NYAP2: variants seen among roughly 807,000 people sequenced by gnomAD.
NYAP2 encodes the protein neuronal tyrosine-phosphorylated phosphoinositide-3-kinase adapter 2.
Under a neutral mutation model 50.4 loss-of-function variants are expected in NYAP2, and 23 were observed. The ratio of observed to expected loss-of-function variants is 0.46; its 90% CI spans 0.33 to 0.65. The LOEUF is 0.65. NYAP2 is among the 30% of genes least tolerant of loss of function. The pLI, the probability that NYAP2 is intolerant of heterozygous loss-of-function variation, is 0.02. For missense variants in NYAP2, 885 were observed against 861.0 expected (o/e 1.03, Z -0.35); for synonymous variants, 394 against 365.2 (o/e 1.08, Z -0.90).
intron 4 of NYAP2, among the ~76,000 whole-genome samples, chr2:225,574,579 G>A (rs994209432): frequency 9.9e-5 from 15 of 152,138 alleles, no homozygotes; most frequent in African/African-American, 3.4e-4. Flanking sequence ...GGCCCAAAGT[G>A]TTTTTTCATT....
At chr2:225,496,142 G>A (rs1026379789) in intron 3 of NYAP2, among the ~76,000 whole-genome samples, 1 of 152,180 alleles carries the variant, frequency 6.6e-6, no homozygotes, top group African/African-American at 2.4e-5. Flanking sequence ...AGTTCCAAAA[G>A]GGGGTCAAAG....
chr2:225,666,837 C>A, the NYAP2 span, among the ~76,000 whole-genome samples: 9 of 143,958 alleles, frequency 6.3e-5, no homozygotes, highest in Admixed American at 4.1e-4. Context: ...TACATATTCC[C>A]CCCCCTCCAT....
At chr2:225,613,741 G>T (rs1194978167) in intron 5 of NYAP2, among the ~76,000 whole-genome samples, 11 of 152,072 alleles carry the variant, frequency 7.2e-5, no homozygotes, top group Middle Eastern at 6.8e-3. Flanking sequence ...TTAATAATAG[G>T]CAGGGAAAAA....
chr2:225,619,215 G>C (rs1457263264), intron 5 of NYAP2, among the ~76,000 whole-genome samples: 1 of 152,226 alleles, frequency 6.6e-6, no homozygotes, highest in Non-Finnish European at 1.5e-5. Flanking sequence ...TTGGGGTTCA[G>C]GAACCTTGAC....
chr2:225,544,964 G>T lies in NYAP2; in HGVS notation c.523+31292G>T, dbSNP rs144147562. Among the ~76,000 whole-genome samples the T allele has an allele frequency of 1.4e-3, 213 of 152,196 alleles. 1 individual carries two copies. The highest frequency in any genetic ancestry group is 5.0e-3 in the African/African-American group (207 of 41,552). Reference sequence around the variant, plus strand: ...TATTTTTGCTAGACATACTATTCTAGGGTAAAAGTTATTTTTTTTCCTTCA... The same window carrying T: ...TATTTTTGCTAGACATACTATTCTATGGTAAAAGTTATTTTTTTTCCTTCA... On this transcript the variant is annotated intron_variant, in intron 4 of 6. Coordinates refer to ENST00000636099, the Ensembl canonical transcript of NYAP2.
At chr2:225,572,890 C>T (rs540008576) in intron 4 of NYAP2, among the ~76,000 whole-genome samples, 13 of 152,194 alleles carry the variant, frequency 8.5e-5, no homozygotes, top group East Asian at 1.9e-4. Context: ...TTGTGGCTGG[C>T]GACCTCTACT....
chr2:225,537,071 C>T (rs1691365004), intron 4 of NYAP2, among the ~76,000 whole-genome samples: 1 of 152,152 alleles, frequency 6.6e-6, no homozygotes, highest in Non-Finnish European at 1.5e-5. Flanking sequence ...AGCCACTGAG[C>T]CCGGCCTTAT....
chr2:225,688,846 G>T, the NYAP2 span, among the ~76,000 whole-genome samples: 2 of 152,112 alleles, frequency 1.3e-5, no homozygotes, highest in African/African-American at 4.8e-5. Context: ...GGGCTTAAGC[G>T]ATTCTCCTGC....
At chr2:225,449,682 C>G (rs1339023933) in intron 3 of NYAP2, among the ~76,000 whole-genome samples, 1 of 144,130 alleles carries the variant, frequency 6.9e-6, no homozygotes, top group Non-Finnish European at 1.5e-5. Context: ...AATCTCAGCT[C>G]ACTGCAACCT....
intron 5 of NYAP2, among the ~76,000 whole-genome samples, chr2:225,597,625 G>A (rs1692628379): frequency 6.7e-6 from 1 of 148,234 alleles, no homozygotes; most frequent in African/African-American, 2.5e-5. Context: ...AAACATGTGT[G>A]CACAAGTATC....
At chr2:225,615,050 C>T (rs904485032) in intron 5 of NYAP2, among the ~76,000 whole-genome samples, 1 of 152,066 alleles carries the variant, frequency 6.6e-6, no homozygotes, top group African/African-American at 2.4e-5. Context: ...AGCAAAAGGA[C>T]AAGGATTTTA....
chr2:225,577,455 AT>A (rs142766983), intron 4 of NYAP2, among the ~76,000 whole-genome samples: 6,039 of 150,778 alleles, frequency 0.04, 420 homozygotes, highest in African/African-American at 0.14. Context: ...ATTTTAAATA[AT>A]TTTTTTTTTA....
chr2:225,399,356 A>G (rs753314404), upstream of NYAP2, among the ~76,000 whole-genome samples: 1 of 152,002 alleles, frequency 6.6e-6, no homozygotes, highest in Non-Finnish European at 1.5e-5. Context: ...ACACAAACAC[A>G]CATATATAAG....
intron 6 of NYAP2, among the ~76,000 whole-genome samples, chr2:225,640,459 A>T (rs374792290): frequency 6.6e-6 from 1 of 152,138 alleles, no homozygotes; most frequent in Non-Finnish European, 1.5e-5. Flanking sequence ...GCCTTCAAGG[A>T]GCTTATTTAT....
chr2:225,674,585 A>G, the NYAP2 span, among the ~76,000 whole-genome samples: 1 of 152,046 alleles, frequency 6.6e-6, no homozygotes, highest in Admixed American at 6.6e-5. Flanking sequence ...GGGTGCAGGA[A>G]AACTGCCCTC....
intron 4 of NYAP2, among the ~76,000 whole-genome samples, chr2:225,548,631 G>A (rs1186910071): frequency 6.6e-6 from 1 of 151,772 alleles, no homozygotes; most frequent in African/African-American, 2.4e-5. Flanking sequence ...TATTCTGTAG[G>A]AACATTGAGA....
intron 4 of NYAP2, among the ~76,000 whole-genome samples, chr2:225,518,548 A>C (rs1439699305): frequency 1.3e-5 from 1 of 78,338 alleles, no homozygotes; most frequent in Non-Finnish European, 2.6e-5. Flanking sequence ...ATATATATAT[A>C]TATATATATA....
intron 6 of NYAP2, among the ~76,000 whole-genome samples, chr2:225,647,681 CATA>C (rs1395853669): frequency 6.6e-6 from 1 of 152,090 alleles, no homozygotes. Context: ...AAGAAAAATA[CATA>C]ATAATTGAAT....
chr2:225,553,698 T>C (rs1691721456), intron 4 of NYAP2, among the ~76,000 whole-genome samples: 1 of 152,216 alleles, frequency 6.6e-6, no homozygotes, highest in South Asian at 2.1e-4. Context: ...GTGCTTTCCA[T>C]TTCTGGCTTA....
Sources: gnomAD v4.1 joint callset for allele counts (sites outside exome capture counted in the v4.1 genomes callset) on GRCh38, gnomAD v4.1.1 for gene constraint, MANE v1.5 for transcripts, NCBI Gene and HGNC (gene_info 2026-07-23, HGNC 2026-07-21) for gene names.